AP1G1: variants seen among roughly 807,000 people sequenced by gnomAD.
The protein encoded by AP1G1 is AP-1 complex subunit gamma-1.
A neutral mutation model predicts 108.3 loss-of-function variants in AP1G1; 7 were observed. The observed-to-expected ratio is 0.06, with a 90% CI of 0.04 to 0.12. The LOEUF (loss-of-function observed/expected upper bound fraction) is 0.12, where lower values mean the gene tolerates loss of function less well. Ranked by LOEUF, AP1G1 falls within the 10% of genes least tolerant of loss-of-function variation. AP1G1 has a pLI of 1.00. For missense variants in AP1G1, 756 were observed against 1,010.7 expected, an observed-to-expected ratio of 0.75 and a Z score of 3.42; for synonymous variants, 379 against 353.5, an observed-to-expected ratio of 1.07 and a Z score of -0.81.
intron 2 of AP1G1, among the ~76,000 whole-genome samples, chr16:71,778,795 C>CA (rs1245992038): frequency 1.3e-5 from 2 of 151,646 alleles, no homozygotes; most frequent in Non-Finnish European, 2.9e-5. Context: ...GAGATGCACA[C>CA]AAAAGGAGGG....
chr16:71,756,417 A>G (rs1354816759), intron 11 of AP1G1: 4 of 310,992 alleles, frequency 1.3e-5, no homozygotes, highest in Admixed American at 5.0e-5. Flanking sequence ...ATGTCCAAAC[A>G]TGCAGCTTGG....
intron 1 of AP1G1, 108 bp from the exon 2 acceptor site, chr16:71,789,590 T>C (rs2032324405): frequency 8.8e-7 from 1 of 1,137,408 alleles, no homozygotes; most frequent in Admixed American, 2.2e-5. Context: ...ATTCAAGACT[T>C]GCCAAATCCA....
At chr16:71,755,936 G>T in intron 12 of AP1G1, 83 bp downstream of exon 12, 2 of 1,480,270 alleles carry the variant, frequency 1.4e-6, no homozygotes, top group South Asian at 1.3e-5. Flanking sequence ...GTGCCACCGC[G>T]CCCAGCCCCC....
At chr16:71,759,571 T>A (rs1257701923) in intron 10 of AP1G1, among the ~76,000 whole-genome samples, 3 of 151,976 alleles carry the variant, frequency 2.0e-5, no homozygotes, top group Non-Finnish European at 4.4e-5. Context: ...CCACCCTGGC[T>A]ACCATGGTGA....
chr16:71,749,725 A>G (rs1238233906), intron 15 of AP1G1, among the ~76,000 whole-genome samples, 169 bp downstream of exon 15: 1 of 152,050 alleles, frequency 6.6e-6, no homozygotes, highest in Non-Finnish European at 1.5e-5. Context: ...TCCTGGGCTC[A>G]AGCGATGCTC....
intron 22 of AP1G1, 155 bp downstream of exon 22, chr16:71,734,454 T>C: frequency 1.6e-6 from 1 of 642,292 alleles, no homozygotes; most frequent in East Asian, 2.6e-5. Flanking sequence ...GTTCCATTTG[T>C]TATTTACAAA....
intron 1 of AP1G1, chr16:71,808,043 A>C: frequency 1.7e-6 from 2 of 1,191,208 alleles, no homozygotes; most frequent in South Asian, 3.1e-5. Context: ...TGGATCTCCT[A>C]CACCGAGTCC....
intron 1 of AP1G1, chr16:71,807,767 A>G: frequency 1.6e-6 from 2 of 1,267,546 alleles, no homozygotes; most frequent in Non-Finnish European, 2.1e-6. Context: ...TTAACTAATC[A>G]CTGTAAAGCA....
intron 2 of AP1G1, among the ~76,000 whole-genome samples, chr16:71,785,575 C>CA (rs71389702): frequency 0.011 from 831 of 72,570 alleles, 7 homozygotes; most frequent in Middle Eastern, 0.02. Context: ...AACCCTGCCT[C>CA]AAAAAAAAAA....
chr16:71,743,844 G>A (rs1390824280), intron 19 of AP1G1, among the ~76,000 whole-genome samples: 2 of 151,596 alleles, frequency 1.3e-5, no homozygotes, highest in Non-Finnish European at 2.9e-5. Context: ...TATTCAGGAG[G>A]CTGAGGCAGG....
intron 13 of AP1G1, among the ~76,000 whole-genome samples, chr16:71,750,961 C>A (rs576031830): frequency 5.9e-5 from 9 of 151,368 alleles, no homozygotes; most frequent in Non-Finnish European, 8.9e-5. Flanking sequence ...TCGAGACCAT[C>A]CTGGCTAACA....
rs190293548 is a variant in AP1G1, at chr16:71,808,424, G to A, written c.-4+339C>T. 175 of 1,145,520 alleles carry A rather than the reference G, an allele frequency of 1.5e-4. No individual in the cohort carries two copies. In the African/African-American group the frequency reaches 2.4e-3, roughly 16 times the overall value. 71.0% of individuals were successfully genotyped at this position (1,145,520 alleles called of 1,614,324 possible). The stretch of plus-strand genomic sequence containing the variant: ...GAGAAGACACGCGGGGGTGGGGCCC[G>A]CCCCGCTAAACCCCAGGCTCCCTGA... On this transcript the variant is annotated intron_variant, in intron 1 of 22. Coordinates refer to ENST00000299980, the MANE Select transcript of AP1G1 (RefSeq NM_001128.6).
At chr16:71,775,434 T>C (rs1441170730) in intron 2 of AP1G1, among the ~76,000 whole-genome samples, 1 of 152,312 alleles carries the variant, frequency 6.6e-6, no homozygotes, top group East Asian at 1.9e-4. Context: ...CCCATGATAT[T>C]TGCCATTCAA....
At chr16:71,799,770 G>T (rs2032717336) in intron 1 of AP1G1, among the ~76,000 whole-genome samples, 1 of 151,914 alleles carries the variant, frequency 6.6e-6, no homozygotes, top group Non-Finnish European at 1.5e-5. Context: ...GTGGTGACAG[G>T]TGCCTGCAGT....
intron 6 of AP1G1, among the ~76,000 whole-genome samples, chr16:71,768,965 T>TA (rs11374038): frequency 0.79 from 56,935 of 71,826 alleles, 21,848 homozygotes; most frequent in East Asian, 0.92. Context: ...TTCCTGCCTT[T>TA]AAAAAAAAAA....
At chr16:71,740,674 GT>G (rs1371162607) in intron 19 of AP1G1, among the ~76,000 whole-genome samples, 1 of 152,192 alleles carries the variant, frequency 6.6e-6, no homozygotes, top group East Asian at 1.9e-4. Context: ...AACACATTCA[GT>G]TGGATACCTT....
At chr16:71,790,293 C>A (rs140470415) in intron 1 of AP1G1, among the ~76,000 whole-genome samples, 1,917 of 152,238 alleles carry the variant, frequency 0.013, 43 homozygotes, top group African/African-American at 0.044. Flanking sequence ...GTAATCCCAG[C>A]ACTTTGGGAG....
At chr16:71,786,206 A>C (rs1000536443) in intron 2 of AP1G1, among the ~76,000 whole-genome samples, 4 of 152,238 alleles carry the variant, frequency 2.6e-5, no homozygotes, top group Non-Finnish European at 4.4e-5. Context: ...CCCAAATGCC[A>C]CCTAACCTTA....
chr16:71,737,886 G>C (rs540080902), intron 21 of AP1G1, among the ~76,000 whole-genome samples: 1 of 152,372 alleles, frequency 6.6e-6, no homozygotes, highest in East Asian at 1.9e-4. Flanking sequence ...TATTGGAACA[G>C]AACTATGTTC....
Sources: allele counts gnomAD v4.1 joint callset (sites outside exome capture counted in the v4.1 genomes callset), GRCh38; gene constraint gnomAD v4.1.1; transcripts MANE v1.5; gene names NCBI Gene and HGNC (gene_info 2026-07-23, HGNC 2026-07-21).